The following RRP12 variants were observed in gnomAD, a reference collection of about 807,000 sequenced individuals.
RRP12 encodes RRP12-like protein.
Under a neutral mutation model 157.3 loss-of-function variants are expected in RRP12, and 78 were observed. The ratio of observed to expected loss-of-function variants is 0.50; its 90% CI spans 0.41 to 0.60. RRP12 has a LOEUF of 0.60. RRP12 is among the 20% of genes least tolerant of loss of function. The pLI is 0.00. For missense variants in RRP12, 1,521 were observed against 1,679.9 expected, an observed-to-expected ratio of 0.91 and a Z score of 1.65; for synonymous variants, 726 against 670.9, an observed-to-expected ratio of 1.08 and a Z score of -1.27.
intron 3 of RRP12, among the ~76,000 whole-genome samples, chr10:97,394,363 C>T (rs537179491): frequency 1.3e-5 from 2 of 152,128 alleles, no homozygotes; most frequent in South Asian, 4.1e-4. Flanking sequence ...AATAAATAAA[C>T]TATATATATG....
intron 15 of RRP12, among the ~76,000 whole-genome samples, chr10:97,375,279 A>AAAT (rs397694288): frequency 6.7e-6 from 1 of 149,352 alleles, no homozygotes; most frequent in African/African-American, 2.5e-5. Flanking sequence ...AAAAAAAAAA[A>AAAT]TTTTTATAGA....
chr10:97,391,244 G>A (rs2133089759), intron 4 of RRP12, among the ~76,000 whole-genome samples: 1 of 152,262 alleles, frequency 6.6e-6, no homozygotes, highest in African/African-American at 2.4e-5. Flanking sequence ...GTTGTAGAAT[G>A]CCACCTGATA....
chr10:97,394,465 C>G (rs1341096930), intron 3 of RRP12, among the ~76,000 whole-genome samples: 1 of 152,166 alleles, frequency 6.6e-6, no homozygotes, highest in Non-Finnish European at 1.5e-5. Context: ...TCATAGCTCA[C>G]TGTAACCTTG....
At chr10:97,357,300 G>C (rs1843736540) in intron 33 of RRP12, 104 bp from the exon 34 acceptor site, 1 of 682,352 alleles carries the variant, frequency 1.5e-6, no homozygotes, top group Middle Eastern at 2.6e-4. Flanking sequence ...GATGAGAAGG[G>C]GGCCTCCAGG....
chr10:97,401,020 G>A, intron 1 of RRP12, 73 bp downstream of exon 1: 1 of 1,558,074 alleles, frequency 6.4e-7, no homozygotes, highest in Middle Eastern at 2.0e-4. Flanking sequence ...TCTCCCAGAG[G>A]CCCCAGACTC....
At chr10:97,381,644 A>C in intron 11 of RRP12, 71 bp downstream of exon 11, 1 of 1,386,816 alleles carries the variant, frequency 7.2e-7, no homozygotes, top group African/African-American at 1.4e-5. Flanking sequence ...GCCTGGGGCC[A>C]GTGCTGGGAA....
At position 97,357,196 on chromosome 10, in the gene RRP12, C is replaced by T. The variant is rs758199557; in HGVS notation, c.3792G>A (p.Arg1264=). 1 of 1,596,806 alleles carries T rather than the reference C, an allele frequency of 6.3e-7. No individual in the cohort carries two copies. Among genetic ancestry groups the T allele is most frequent in the Non-Finnish European group, 8.6e-7 (1 of 1,166,666 alleles). Residue 1264 remains arginine, a splice_region_variant and synonymous_variant, in exon 34 of 34, where the codon AGG becomes AGA. Transcript: ENST00000370992. Reference sequence around the variant, plus strand: ...ACTGTCCCTGCAGCTTCATCTTCTTCCTGCAGGGCCAAGGAACGGAAGGGT... The same window carrying T: ...ACTGTCCCTGCAGCTTCATCTTCTTTCTGCAGGGCCAAGGAACGGAAGGGT... ...IPLNRSKLNR[R]KKMKLQGQFK...
intron 10 of RRP12, among the ~76,000 whole-genome samples, chr10:97,382,753 T>C (rs1844506146): frequency 6.8e-6 from 1 of 146,022 alleles, no homozygotes; most frequent in African/African-American, 2.6e-5. Context: ...ACAACCACTT[T>C]GACTGTTTCT....
chr10:97,384,067 C>A (rs1844542461), intron 10 of RRP12, among the ~76,000 whole-genome samples: 1 of 152,198 alleles, frequency 6.6e-6, no homozygotes, highest in African/African-American at 2.4e-5. Context: ...CGGCTCACGT[C>A]CCCTCCACCT....
At chr10:97,362,299 C>T (rs918355021) in intron 30 of RRP12, among the ~76,000 whole-genome samples, 4 of 152,048 alleles carry the variant, frequency 2.6e-5, no homozygotes, top group African/African-American at 4.8e-5. Context: ...CGGTTCTCCC[C>T]GGCCAGGGAG....
At chr10:97,396,460 CA>C (rs913613891) in intron 2 of RRP12, among the ~76,000 whole-genome samples, 159 bp from the exon 3 acceptor site, 1 of 152,180 alleles carries the variant, frequency 6.6e-6, no homozygotes, top group African/African-American at 2.4e-5. Flanking sequence ...GGGGGCCCAG[CA>C]AATAACAAGA....
At position 97,388,283 on chromosome 10, in the gene RRP12, G is replaced by A; in HGVS notation, c.986C>T (p.Thr329Ile). The part of the protein sequence containing the change: ...PEGLVKSCSE[T>I]LLRVMTLSHV... ...GCTCAAGGTCATGACCCTGAGGAGA[G>A]TCTCACTGCAGCTCTTCACCAGGCC... Residue 329 changes from threonine (T) to isoleucine (I), a missense_variant, in exon 8 of 34, where the codon ACT becomes ATT. Thr to Ile is a moderately conservative substitution (Grantham distance 89). Transcript: ENST00000370992. The A allele has an allele frequency of 1.9e-6, 3 of 1,614,084 alleles. No homozygotes were observed. Among genetic ancestry groups the A allele is most frequent in the Non-Finnish European group, 2.5e-6 (3 of 1,180,032 alleles).
rs756827144 is a variant in RRP12, at chr10:97,371,048, G to A, written c.2377C>T (p.Arg793Ter). The change falls in exon 21 of 34, where the codon CGA becomes TGA. Residue 793 changes from arginine (R) to a stop codon, truncating the protein, a stop_gained. Transcript: ENST00000370992. LOFTEE classifies it high-confidence loss of function. ...CTGGCACACACCTCCTCCAGCACTC[G>A]GTAGGCCTTCTTCTGCACCCCGTGG... ...KAHGVQKKAY[R>*]VLEEVCASPQ... 2 of 1,613,820 alleles carry A rather than the reference G, an allele frequency of 1.2e-6. No individual in the cohort carries two copies. Among genetic ancestry groups the A allele is most frequent in the Non-Finnish European group, 1.7e-6 (2 of 1,179,950 alleles).
intron 3 of RRP12, among the ~76,000 whole-genome samples, chr10:97,395,558 A>AG (rs1844936901): frequency 6.7e-6 from 1 of 150,020 alleles, no homozygotes; most frequent in Non-Finnish European, 1.5e-5. Context: ...TTTCAAAAAA[A>AG]AAAAAAAGTA....
chr10:97,398,780 C>T (rs10882922), intron 2 of RRP12, among the ~76,000 whole-genome samples: 57,183 of 151,636 alleles, frequency 0.38, 11,185 homozygotes, highest in African/African-American at 0.49. Context: ...CTTGTACAAC[C>T]ATAAATGTTA....
intron 25 of RRP12, 132 bp from the exon 26 acceptor site, chr10:97,367,264 C>T: frequency 2.8e-6 from 2 of 719,472 alleles, no homozygotes; most frequent in South Asian, 1.7e-5. Context: ...CTGCTCCTGG[C>T]CCACACCCTG....
chr10:97,400,987 A>C, intron 1 of RRP12, 106 bp downstream of exon 1: 2 of 1,350,362 alleles, frequency 1.5e-6, no homozygotes, highest in Non-Finnish European at 2.0e-6. Flanking sequence ...AAGAGACGAA[A>C]GGTCCAATGC....
At chr10:97,372,497 C>T (rs969819634) in intron 19 of RRP12, among the ~76,000 whole-genome samples, 6 of 152,148 alleles carry the variant, frequency 3.9e-5, no homozygotes, top group Admixed American at 1.3e-4. Context: ...CCATGAGTGA[C>T]GGGGCTGGGA....
intron 23 of RRP12, 55 bp downstream of exon 23, chr10:97,370,400 T>G: frequency 7.1e-7 from 1 of 1,409,414 alleles, no homozygotes; most frequent in East Asian, 2.3e-5. Context: ...TGAGGGGTGC[T>G]TCCCCCCACC....
Sources: gnomAD v4.1 joint callset for allele counts (sites outside exome capture counted in the v4.1 genomes callset) on GRCh38, gnomAD v4.1.1 for gene constraint, MANE v1.5 for transcripts, NCBI Gene and HGNC (gene_info 2026-07-23, HGNC 2026-07-21) for gene names.